Variants in MYB observed in about 807,000 individuals in gnomAD.
The protein encoded by MYB is MYB proto-oncogene, transcription factor.
In MYB, 28 loss-of-function variants were observed where a neutral mutation model predicts 92.9. The observed-to-expected ratio is 0.30, with a 90% CI of 0.22 to 0.41. The LOEUF (loss-of-function observed/expected upper bound fraction) is 0.41, where lower values mean the gene tolerates loss of function less well. MYB is among the 10% of genes least tolerant of loss of function. The probability of loss-of-function intolerance (pLI) is 1.00; values close to 1 mark genes in which losing one functional copy is unlikely to be tolerated. For missense variants in MYB, 679 were observed against 929.3 expected, an observed-to-expected ratio of 0.73 and a Z score of 3.50; for synonymous variants, 295 against 329.1, an observed-to-expected ratio of 0.90 and a Z score of 1.12.
Position 135,190,360 on chromosome 6 carries a change from CA to C in MYB, c.527+19del. The stretch of plus-strand genomic sequence containing the variant: ...TACTGCCTGGACGGTAATAATATGT[CA>C]AAAAATATATTGATCGGGAAGAATG... On this transcript the variant is annotated intron_variant, in intron 5 of 15. Transcript: ENST00000341911. The surrounding 1 kb of genome is among the most constrained non-coding windows in gnomAD (Gnocchi z 4.5). 1.3e-6 allele frequency: 2 copies of C among 1,596,680 alleles called. No homozygotes were observed. Among genetic ancestry groups the C allele is most frequent in the South Asian group, 1.1e-5 (1 of 90,130 alleles).
intron 1 of MYB, among the ~76,000 whole-genome samples, chr6:135,185,410 A>AT (rs1213707358): frequency 6.6e-6 from 1 of 152,008 alleles, no homozygotes; most frequent in Admixed American, 6.6e-5. Flanking sequence ...CTACTTCTTG[A>AT]TTTTTTTCTT....
chr6:135,210,916 C>T (rs993418576), intron 15 of MYB, among the ~76,000 whole-genome samples: 8 of 151,926 alleles, frequency 5.3e-5, no homozygotes, highest in East Asian at 1.9e-4. Flanking sequence ...TTTTGTTTTT[C>T]GGGTTTTTGT....
In MYB at chr6:135,197,326, A is replaced by G. The variant is rs539535575; in HGVS notation, c.1566+3A>G. ...GCCTACCCTTCTCTCCCTCGCAGGT[A>G]GAACACAATTTCTGCACAGCTGTTA... On this transcript the variant is annotated splice_donor_region_variant and intron_variant, in intron 10 of 15. Transcript: ENST00000341911. The G allele has an allele frequency of 9.4e-6, 15 of 1,597,922 alleles. No homozygotes were observed. In the East Asian group the frequency reaches 3.1e-4, roughly 33 times the overall value.
chr6:135,202,862 CCAATAT>C, intron 14 of MYB: 1 of 495,196 alleles, frequency 2.0e-6, no homozygotes, highest in South Asian at 1.6e-5. Context: ...TAGTTCTGTA[CCAATAT>C]ATGAAATAAA....
rs1776492384 is a variant in MYB at position 135,190,532 on chromosome 6, G to A, written c.527+185G>A. Reference sequence around the variant, plus strand: ...AGTTTATTTGGTTGAGAACTTCCAGGATCCACCTGACAGTGAGCCCTGGGT... The same window carrying A: ...AGTTTATTTGGTTGAGAACTTCCAGAATCCACCTGACAGTGAGCCCTGGGT... On this transcript the variant is annotated intron_variant, in intron 5 of 15. Coordinates refer to ENST00000341911, the MANE Select transcript of MYB (RefSeq NM_001130173.2). This position sits in a 1 kb window ranked among gnomAD's most constrained non-coding sequence, Gnocchi z 4.5. Among the ~76,000 whole-genome samples the A allele has an allele frequency of 6.6e-6, 1 of 152,164 alleles. No homozygotes were observed. The highest frequency in any genetic ancestry group is 1.5e-5 in the Non-Finnish European group (1 of 68,036).
At position 135,218,904 on chromosome 6, in the gene MYB, A is replaced by C. The variant is rs1780756222; in HGVS notation, c.*924A>C. 4.4e-6 allele frequency: 1 copy of C among 228,710 alleles called. No individual in the cohort carries two copies. Among genetic ancestry groups the C allele is most frequent in the African/African-American group, 2.2e-5 (1 of 44,944 alleles). 14.2% of individuals were successfully genotyped at this position (228,710 alleles called of 1,614,324 possible). On this transcript the variant is annotated 3_prime_UTR_variant, in exon 16 of 16. Coordinates refer to ENST00000341911, the MANE Select transcript of MYB (RefSeq NM_001130173.2). ...CTTTTTTGGGAGATGTGTGTTGTTG[A>C]TGTTCTATGTTTTGTTTTGAGTGTA...
At position 135,200,518 on chromosome 6, in the gene MYB, A is replaced by T. The variant is rs533118375; in HGVS notation, c.1950+103A>T. On this transcript the variant is annotated intron_variant, in intron 13 of 15. Coordinates refer to ENST00000341911, the MANE Select transcript of MYB (RefSeq NM_001130173.2). ...GCCATTGGCACTGTGCAACACCACG[A>T]CTTTTCGTGCAAGATTTTCATACAA... is the stretch of plus-strand genomic sequence containing the variant. The T allele has an allele frequency of 2.6e-3, 3,998 of 1,518,810 alleles. 129 individuals are homozygous for T. In the South Asian group the frequency reaches 0.043, roughly 16 times the overall value. 94.1% of individuals were successfully genotyped at this position (1,518,810 alleles called of 1,614,324 possible).
In MYB at chr6:135,207,947, G is replaced by T. The variant is rs369991719; in HGVS notation, c.2169+4623G>T. On this transcript the variant is annotated intron_variant, in intron 15 of 15. Coordinates refer to ENST00000341911, the MANE Select transcript of MYB (RefSeq NM_001130173.2). ...TCTCCATGTTGGCTAGGCTGGTCTCGAACTGCTGACCTCAAGTGATCCACC... is the reference window on the plus strand; with the variant it reads ...TCTCCATGTTGGCTAGGCTGGTCTCTAACTGCTGACCTCAAGTGATCCACC... Among the ~76,000 whole-genome samples the T allele has an allele frequency of 4.0e-5, 6 of 151,752 alleles. No individual in the cohort carries two copies. In the East Asian group the frequency reaches 1.2e-3, roughly 29 times the overall value.
At chr6:135,213,865 C>A (rs1230229398) in intron 15 of MYB, among the ~76,000 whole-genome samples, 2 of 151,714 alleles carry the variant, frequency 1.3e-5, no homozygotes, top group Non-Finnish European at 2.9e-5. Context: ...AGGAGCAAGA[C>A]CCTCTCTCAA....
intron 6 of MYB, 99 bp downstream of exon 6, chr6:135,192,657 C>A: frequency 8.7e-7 from 1 of 1,143,120 alleles, no homozygotes. Flanking sequence ...AGAGAACTTT[C>A]CTGAGCATGA....
At chr6:135,185,598 A>C (rs1176607500) in intron 1 of MYB, among the ~76,000 whole-genome samples, 1 of 152,104 alleles carries the variant, frequency 6.6e-6, no homozygotes, top group Non-Finnish European at 1.5e-5. Flanking sequence ...TTAAACCTTC[A>C]CTGGTTGGAA....
chr6:135,187,678 T>G (rs1776098852), intron 2 of MYB, among the ~76,000 whole-genome samples, 156 bp from the exon 3 acceptor site: 1 of 152,198 alleles, frequency 6.6e-6, no homozygotes, highest in Non-Finnish European at 1.5e-5. Context: ...TCTAAATAAA[T>G]CTATACTCCC....
intron 13 of MYB, chr6:135,200,738 A>C (rs905056641): frequency 3.8e-5 from 12 of 316,190 alleles, no homozygotes; most frequent in Non-Finnish European, 1.2e-5. Context: ...TTAGATGTGA[A>C]GAATTGGAAT....
At chr6:135,206,205 C>CAAAAAAAAAAAAAAA (rs67836018) in intron 15 of MYB, among the ~76,000 whole-genome samples, 2 of 87,366 alleles carry the variant, frequency 2.3e-5, no homozygotes, top group African/African-American at 8.8e-5. Flanking sequence ...GACTCCATCT[C>CAAAAAAAAAAAAAAA]AAAAAAAAAA....
chr6:135,184,413 C>T (rs1009593419), intron 1 of MYB, among the ~76,000 whole-genome samples: 1 of 141,360 alleles, frequency 7.1e-6, no homozygotes, highest in African/African-American at 2.7e-5. Flanking sequence ...CTCCTGTTGA[C>T]AGTGGAAACA....
chr6:135,193,986 C>A, intron 7 of MYB, 68 bp downstream of exon 7: 2 of 1,295,432 alleles, frequency 1.5e-6, no homozygotes, highest in Non-Finnish European at 2.2e-6. Flanking sequence ...TTCATCTAAA[C>A]ACATATTTTT....
chr6:135,188,434 T>C (rs745902584), intron 3 of MYB, among the ~76,000 whole-genome samples: 2 of 152,110 alleles, frequency 1.3e-5, no homozygotes, highest in Non-Finnish European at 2.9e-5. Context: ...CCCTCTCATT[T>C]GGACTATCAT....
intron 2 of MYB, among the ~76,000 whole-genome samples, chr6:135,186,658 C>T (rs930540442): frequency 6.6e-6 from 1 of 152,200 alleles, no homozygotes; most frequent in South Asian, 2.1e-4. Flanking sequence ...CCTTGATATA[C>T]TTAACAGAGC....
intron 10 of MYB, among the ~76,000 whole-genome samples, chr6:135,198,108 G>A (rs1285913054): frequency 2.0e-5 from 3 of 152,088 alleles, no homozygotes; most frequent in African/African-American, 7.2e-5. Flanking sequence ...TATGATATAG[G>A]TATATACATT....
Sources: gnomAD v4.1 joint callset for allele counts (sites outside exome capture counted in the v4.1 genomes callset) on GRCh38, gnomAD v4.1.1 for gene constraint, Gnocchi (gnomAD v3.1) non-coding constraint, MANE v1.5 for transcripts, NCBI Gene and HGNC (gene_info 2026-07-23, HGNC 2026-07-21) for gene names.